Variants in MTUS2 observed in about 807,000 individuals in gnomAD.
MTUS2 encodes microtubule-associated tumor suppressor candidate 2.
In MTUS2, 40 loss-of-function variants were observed where a neutral mutation model predicts 114.1. The observed-to-expected ratio is 0.35, with a 90% CI of 0.27 to 0.46. The LOEUF (loss-of-function observed/expected upper bound fraction) is 0.46, where lower values mean the gene tolerates loss of function less well. MTUS2 is among the 20% of genes least tolerant of loss of function. MTUS2 has a pLI of 1.00. For synonymous variants in MTUS2, 688 were observed against 672.0 expected (o/e 1.02, Z -0.37); for missense variants, 1,679 against 1,705.4 (o/e 0.98, Z 0.27).
intron 9 of MTUS2, among the ~76,000 whole-genome samples, chr13:29,441,614 C>T (rs1246942228): frequency 2.6e-5 from 4 of 152,036 alleles, no homozygotes; most frequent in Admixed American, 6.5e-5. Flanking sequence ...GAGAGTGGCC[C>T]CCACTTTTTC....
Position 28,954,543 on chromosome 13 carries a change from T to C in MTUS2, c.-242-69914T>C, listed in dbSNP as rs1449821393. ...GTTCCTTTATTCAGGAATGTATTCA[T>C]AGTGGCCCATATGGGGAGTGGGTGT... On this transcript the variant is annotated intron_variant, in intron 2 of 15. Transcript: ENST00000612955. Among the ~76,000 whole-genome samples the C allele has an allele frequency of 5.3e-5, 8 of 152,280 alleles. No individual in the cohort carries two copies. The South Asian group carries it at 8.3e-4, about 16-fold the overall frequency.
chr13:29,078,442 C>G (rs187297931), intron 4 of MTUS2, among the ~76,000 whole-genome samples: 2 of 152,270 alleles, frequency 1.3e-5, no homozygotes, highest in Admixed American at 1.3e-4. Context: ...TAATGTAAGC[C>G]TATTCCTGAG....
At chr13:29,007,227 AGTT>A (rs780540054) in intron 2 of MTUS2, among the ~76,000 whole-genome samples, 29 of 152,136 alleles carry the variant, frequency 1.9e-4, no homozygotes, top group Non-Finnish European at 4.0e-4. Context: ...ATAAGAAAAC[AGTT>A]GTTTTAAATT....
chr13:29,003,020 T>C (rs1187953981), intron 2 of MTUS2, among the ~76,000 whole-genome samples: 1 of 152,194 alleles, frequency 6.6e-6, no homozygotes, highest in Non-Finnish European at 1.5e-5. Context: ...CCTTTCCCTA[T>C]AGAACTATAA....
chr13:29,000,329 C>G (rs75348397), intron 2 of MTUS2, among the ~76,000 whole-genome samples: 2,691 of 152,110 alleles, frequency 0.018, 82 homozygotes, highest in African/African-American at 0.061. Context: ...AGTTTTGCTG[C>G]CCATAGGATT....
intron 8 of MTUS2, among the ~76,000 whole-genome samples, chr13:29,408,076 A>G (rs1874925215): frequency 6.6e-6 from 1 of 152,190 alleles, no homozygotes; most frequent in African/African-American, 2.4e-5. Context: ...TCTGGATACT[A>G]GTTTATTTGT....
chr13:29,340,358 G>GTGCT, intron 7 of MTUS2, among the ~76,000 whole-genome samples: 1 of 152,340 alleles, frequency 6.6e-6, no homozygotes, highest in African/African-American at 2.4e-5. Flanking sequence ...TGACAGAAGG[G>GTGCT]TGCTGTTTTT....
chr13:29,486,287 A>G (rs1231545644), intron 10 of MTUS2, among the ~76,000 whole-genome samples: 1 of 152,242 alleles, frequency 6.6e-6, no homozygotes. Flanking sequence ...GCTCAGTGAT[A>G]TTTGTTTTAG....
intron 6 of MTUS2, among the ~76,000 whole-genome samples, chr13:29,302,276 C>A (rs3011454): frequency 4.6e-5 from 7 of 152,078 alleles, no homozygotes; most frequent in Admixed American, 1.3e-4. Context: ...CCCCCACCCC[C>A]AGCCAAGGGA....
At chr13:29,124,924 G>A (rs529661150) in intron 5 of MTUS2, among the ~76,000 whole-genome samples, 1 of 152,262 alleles carries the variant, frequency 6.6e-6, no homozygotes, top group South Asian at 2.1e-4. Context: ...GGTTGTCAGG[G>A]GCTAAAGAGA....
chr13:29,011,845 A>G (rs1405598606), intron 2 of MTUS2, among the ~76,000 whole-genome samples: 1 of 152,200 alleles, frequency 6.6e-6, no homozygotes, highest in African/African-American at 2.4e-5. Context: ...TTCTGGTTGC[A>G]TCATGGTGTC....
chr13:29,335,531 T>A (rs1901014866), intron 7 of MTUS2, among the ~76,000 whole-genome samples: 1 of 152,198 alleles, frequency 6.6e-6, no homozygotes, highest in Admixed American at 6.5e-5. Context: ...CTTCCCCTTT[T>A]GAAAATCACT....
chr13:29,205,340 T>G (rs1895137614), intron 5 of MTUS2, among the ~76,000 whole-genome samples: 2 of 152,230 alleles, frequency 1.3e-5, no homozygotes, highest in Non-Finnish European at 2.9e-5. Context: ...ATTTCCAGCC[T>G]TCATACATCC....
At chr13:29,122,258 C>G (rs1891340297) in intron 5 of MTUS2, among the ~76,000 whole-genome samples, 1 of 152,060 alleles carries the variant, frequency 6.6e-6, no homozygotes, top group Non-Finnish European at 1.5e-5. Context: ...GGAAATGATG[C>G]TGTATTAGTC....
intron 2 of MTUS2, among the ~76,000 whole-genome samples, chr13:28,984,100 T>A (rs1453242694): frequency 6.6e-6 from 1 of 152,196 alleles, no homozygotes; most frequent in Non-Finnish European, 1.5e-5. Context: ...AGGGAGTCCT[T>A]CTTGTCAGTT....
intron 2 of MTUS2, among the ~76,000 whole-genome samples, chr13:28,916,299 G>C (rs3011028): frequency 0.23 from 34,283 of 151,620 alleles, 6,746 homozygotes; most frequent in African/African-American, 0.53. Context: ...TGATTCCACA[G>C]ACATATTAGC....
chr13:28,923,437 G>A (rs958168708), intron 2 of MTUS2, among the ~76,000 whole-genome samples: 1 of 152,194 alleles, frequency 6.6e-6, no homozygotes, highest in African/African-American at 2.4e-5. Flanking sequence ...AGTTTAGTAT[G>A]CAGGACCTGG....
At chr13:29,155,148 C>T (rs564677039) in intron 5 of MTUS2, among the ~76,000 whole-genome samples, 6 of 152,192 alleles carry the variant, frequency 3.9e-5, no homozygotes, top group Non-Finnish European at 7.4e-5. Flanking sequence ...AATATAGTAC[C>T]GTTTATATGA....
intron 4 of MTUS2, among the ~76,000 whole-genome samples, chr13:29,056,625 G>A (rs1888145945): frequency 6.6e-6 from 1 of 151,294 alleles, no homozygotes; most frequent in East Asian, 1.9e-4. Context: ...GTTTGTAAGG[G>A]GTTTTGTATT....
Sources: allele counts gnomAD v4.1 joint callset (sites outside exome capture counted in the v4.1 genomes callset), GRCh38; gene constraint gnomAD v4.1.1; transcripts MANE v1.5; gene names NCBI Gene and HGNC (gene_info 2026-07-23, HGNC 2026-07-21).